ALK: variants seen among roughly 807,000 people sequenced by gnomAD.
ALK encodes ALK tyrosine kinase receptor.
Under a neutral mutation model 163.1 loss-of-function variants are expected in ALK, and 74 were observed. The observed-to-expected ratio is 0.45, with a 90% confidence interval of 0.38 to 0.55. The LOEUF (loss-of-function observed/expected upper bound fraction) is 0.55, where lower values mean the gene tolerates loss of function less well. Among genes scored for constraint, ALK ranks in the 20% least tolerant of loss-of-function variants. The pLI is 0.00. For missense variants in ALK, 2,063 were observed against 2,105.3 expected (o/e 0.98, Z 0.39); for synonymous variants, 960 against 843.2 (o/e 1.14, Z -2.40).
chr2:29,456,776 T>C (rs1395502511), intron 4 of ALK, among the ~76,000 whole-genome samples: 9 of 152,206 alleles, frequency 5.9e-5, no homozygotes, highest in Admixed American at 4.6e-4. Context: ...GGGGTTATTT[T>C]TGAGGATTAA....
intron 22 of ALK, chr2:29,221,361 A>G (rs541666855): frequency 1.2e-4 from 52 of 435,756 alleles, no homozygotes; most frequent in Non-Finnish European, 2.3e-4. Context: ...TTTCTTGTTA[A>G]CATGATCCCT....
chr2:29,200,768 T>TATACGTATATAC (rs1218931582), intron 26 of ALK, among the ~76,000 whole-genome samples: 3 of 142,436 alleles, frequency 2.1e-5, no homozygotes, highest in African/African-American at 5.1e-5. Flanking sequence ...TATGTATATA[T>TATACGTATATAC]ATACGTATAT....
At chr2:29,801,414 C>T (rs1664464558) in intron 1 of ALK, among the ~76,000 whole-genome samples, 1 of 152,150 alleles carries the variant, frequency 6.6e-6, no homozygotes, top group African/African-American at 2.4e-5. Flanking sequence ...AGCATTCTAG[C>T]TCCTACCTAT....
chr2:29,327,325 G>C (rs1318080125), intron 6 of ALK, among the ~76,000 whole-genome samples: 1 of 152,160 alleles, frequency 6.6e-6, no homozygotes, highest in African/African-American at 2.4e-5. Context: ...GAGAGGTATT[G>C]CTATGGGAAA....
chr2:29,412,906 T>C (rs761546341), intron 4 of ALK, among the ~76,000 whole-genome samples: 4 of 152,324 alleles, frequency 2.6e-5, no homozygotes, highest in Non-Finnish European at 5.9e-5. Flanking sequence ...TATAGACCCT[T>C]CTAGAATTTT....
chr2:29,803,704 T>C (rs1421513638), intron 1 of ALK, among the ~76,000 whole-genome samples: 1 of 152,212 alleles, frequency 6.6e-6, no homozygotes, highest in East Asian at 1.9e-4. Context: ...ATAAACATTG[T>C]CTCGGCTTGT....
intron 3 of ALK, among the ~76,000 whole-genome samples, chr2:29,571,883 G>A (rs1355922899): frequency 6.6e-6 from 1 of 152,072 alleles, no homozygotes; most frequent in African/African-American, 2.4e-5. Context: ...CAAAGTGCTG[G>A]GATTACAGGT....
chr2:29,377,020 C>A (rs951279855), intron 5 of ALK, among the ~76,000 whole-genome samples: 2 of 152,206 alleles, frequency 1.3e-5, no homozygotes, highest in African/African-American at 4.8e-5. Flanking sequence ...CCAGAACCCA[C>A]CTGGACAAGA....
intron 6 of ALK, among the ~76,000 whole-genome samples, chr2:29,323,835 C>G (rs943133545): frequency 7.9e-5 from 12 of 152,324 alleles, no homozygotes; most frequent in South Asian, 4.1e-4. Context: ...TCATTCGCCC[C>G]AAGCTCCTAC....
intron 7 of ALK, among the ~76,000 whole-genome samples, chr2:29,319,537 G>C (rs1395053802): frequency 6.6e-6 from 1 of 152,158 alleles, no homozygotes; most frequent in African/African-American, 2.4e-5. Flanking sequence ...GGGTAGTTCA[G>C]TTCTGTGGGG....
At chr2:29,603,702 G>A (rs1675440950) in intron 3 of ALK, among the ~76,000 whole-genome samples, 1 of 151,972 alleles carries the variant, frequency 6.6e-6, no homozygotes, top group Admixed American at 6.5e-5. Context: ...CTCACACTTG[G>A]CCCAGCAAGC....
chr2:29,762,979 C>T lies in ALK; in HGVS notation c.668-45282G>A, dbSNP rs1159130401. Among the ~76,000 whole-genome samples, 3 of 151,060 alleles carry T rather than the reference C, an allele frequency of 2.0e-5. No individual in the cohort carries two copies. In the East Asian group the frequency reaches 5.9e-4, roughly 30 times the overall value. ...ATGTATGCCTATAGTCCTATCTACT[C>T]AGGAGGCTGAGGCAGGAGAATCGCT... On this transcript the variant is annotated intron_variant, in intron 1 of 28. Transcript: ENST00000389048.
chr2:29,889,857 C>T (rs898636900), intron 1 of ALK, among the ~76,000 whole-genome samples: 5 of 152,096 alleles, frequency 3.3e-5, no homozygotes, highest in African/African-American at 9.7e-5. Flanking sequence ...CATTTCATCT[C>T]TTTATGACCC....
Position 29,462,024 on chromosome 2 carries a change from T to C in ALK, c.1154+69891A>G, listed in dbSNP as rs116234615. Among the ~76,000 whole-genome samples the C allele has an allele frequency of 2.9e-3, 435 of 152,212 alleles. 2 individuals are homozygous for C. The highest frequency in any genetic ancestry group is 9.1e-3 in the African/African-American group (379 of 41,548). On this transcript the variant is annotated intron_variant, in intron 4 of 28. Coordinates refer to ENST00000389048, the MANE Select transcript of ALK (RefSeq NM_004304.5). ...TGACTTTGAGGGGTTTAAGACTTCA[T>C]TGGAGAAAGCAACTGCAGGTGTGGT... is the stretch of plus-strand genomic sequence containing the variant.
chr2:29,432,700 A>G (rs1670299928), intron 4 of ALK, among the ~76,000 whole-genome samples: 1 of 151,436 alleles, frequency 6.6e-6, no homozygotes, highest in African/African-American at 2.4e-5. Context: ...ACCCTAAGCA[A>G]TGGATAACCC....
chr2:29,287,053 T>C (rs188002686), intron 9 of ALK, among the ~76,000 whole-genome samples: 39 of 152,288 alleles, frequency 2.6e-4, no homozygotes, highest in African/African-American at 9.4e-4. Context: ...AATGTTTTAT[T>C]AATGAAAACA....
At chr2:29,619,011 AAC>A (rs1675946366) in intron 3 of ALK, among the ~76,000 whole-genome samples, 2 of 129,512 alleles carry the variant, frequency 1.5e-5, no homozygotes, top group South Asian at 2.6e-4. Context: ...AAAAAAAAAA[AAC>A]ACTTGAAAAA....
At chr2:29,909,499 A>AGAGAGAGAGAGG (rs1667642999) in intron 1 of ALK, among the ~76,000 whole-genome samples, 1 of 151,252 alleles carries the variant, frequency 6.6e-6, no homozygotes, top group African/African-American at 2.4e-5. Flanking sequence ...AGAGAGAGAG[A>AGAGAGAGAGAGG]GAGAGAGAGA....
intron 4 of ALK, among the ~76,000 whole-genome samples, chr2:29,407,796 T>C (rs558861829): frequency 6.6e-6 from 1 of 152,312 alleles, no homozygotes; most frequent in East Asian, 1.9e-4. Context: ...ACCCCTAACA[T>C]TTCACCGATG....
Sources: allele counts gnomAD v4.1 joint callset (sites outside exome capture counted in the v4.1 genomes callset), GRCh38; gene constraint gnomAD v4.1.1; transcripts MANE v1.5; gene names NCBI Gene and HGNC (gene_info 2026-07-23, HGNC 2026-07-21).